The following FCN2 variants were observed in gnomAD, a reference collection of about 807,000 sequenced individuals.
FCN2 encodes the protein ficolin 2.
A neutral mutation model predicts 32.5 loss-of-function variants in FCN2; 31 were observed. That is an observed-to-expected ratio of 0.96 (90% CI 0.72 to 1.29). The LOEUF (loss-of-function observed/expected upper bound fraction) is 1.29. FCN2 is among the 50% of genes most tolerant of loss of function. The probability of loss-of-function intolerance (pLI) is 0.00; values close to 1 mark genes in which losing one functional copy is unlikely to be tolerated. For missense variants in FCN2, 412 were observed against 406.5 expected, an observed-to-expected ratio of 1.01 and a Z score of -0.12; for synonymous variants, 181 against 164.5, an observed-to-expected ratio of 1.10 and a Z score of -0.77.
At chr9:134,880,994 T>A in intron 1 of FCN2, 73 bp downstream of exon 1, 2 of 1,119,180 alleles carry the variant, frequency 1.8e-6, no homozygotes, top group South Asian at 2.6e-5. Flanking sequence ...ATTGGTGGCT[T>A]CCTGGCTTCC....
At chr9:134,872,071 C>T in the FCN2 span, among the ~76,000 whole-genome samples, 1,937 of 152,314 alleles carry the variant, frequency 0.013, 35 homozygotes, top group African/African-American at 0.044. Flanking sequence ...TTCCTCCCCC[C>T]GGCAGACCTA....
chr9:134,883,238 A>G (rs7024491), intron 2 of FCN2, 64 bp from the exon 3 acceptor site: 572,609 of 1,335,638 alleles, frequency 0.43, 123,903 homozygotes, highest in East Asian at 0.55. Flanking sequence ...CGCCAGCTCC[A>G]GGGTGGGCCC....
intron 1 of FCN2, among the ~76,000 whole-genome samples, chr9:134,881,631 T>A (rs1407000415): frequency 6.6e-6 from 1 of 152,128 alleles, no homozygotes; most frequent in East Asian, 1.9e-4. Context: ...CAGAGATTCG[T>A]GTCAGGATTT....
chr9:134,877,220 G>A (rs527641923), upstream of FCN2, among the ~76,000 whole-genome samples: 81 of 152,212 alleles, frequency 5.3e-4, no homozygotes, highest in Non-Finnish European at 8.8e-4. Context: ...TTCTTGAGAC[G>A]GAAGCAGAGG....
chr9:134,869,455 C>T, the FCN2 span, among the ~76,000 whole-genome samples: 1 of 152,200 alleles, frequency 6.6e-6, no homozygotes, highest in African/African-American at 2.4e-5. Flanking sequence ...ACCAGCTGCC[C>T]TGAGCCCAGA....
chr9:134,885,812 C>A lies in FCN2; in HGVS notation c.474C>A (p.Asp158Glu), dbSNP rs141273504. 10 of 1,613,854 alleles carry A rather than the reference C, an allele frequency of 6.2e-6. No homozygotes were observed. The African/African-American group carries it at 1.3e-4, about 22-fold the overall frequency. The change falls in exon 6 of 8, where the codon GAC (aspartate) becomes GAA (glutamate). Residue 158 changes from aspartate to glutamate, a missense_variant. Coordinates refer to ENST00000291744, the MANE Select transcript of FCN2 (RefSeq NM_004108.3). ...RVDGSVDFYR[D>E]WATYKQGFGS... is the part of the protein sequence containing the mutation. ...ATGGCTCTGTGGACTTCTACCGGGACTGGGCCACGTACAAGCAGGGCTTCG... is the reference window on the plus strand; with the variant it reads ...ATGGCTCTGTGGACTTCTACCGGGAATGGGCCACGTACAAGCAGGGCTTCG...
Position 134,882,536 on chromosome 9 carries a change from G to A in FCN2, c.111G>A (p.Met37Ile), listed in dbSNP as rs1290253784. The A allele has an allele frequency of 2.5e-6, 4 of 1,614,136 alleles. No homozygotes were observed. In the African/African-American group the frequency reaches 4.0e-5, roughly 16 times the overall value. ...TGTGTTTTTCTGCAGAGGTGAAGATGGTGGGCCTGGAGGGCTCTGACAAGC... is the reference window on the plus strand; with the variant it reads ...TGTGTTTTTCTGCAGAGGTGAAGATAGTGGGCCTGGAGGGCTCTGACAAGC... Reference protein sequence around the residue: ...QAADTCPEVKMVGLEGSDKLT... With the variant: ...QAADTCPEVKIVGLEGSDKLT... Residue 37 changes from methionine to isoleucine, a missense_variant, in exon 2 of 8, where the codon ATG (methionine) becomes ATA (isoleucine). Physicochemically the swap from Met to Ile is conservative, Grantham distance 10 (BLOSUM62 1). Transcript: ENST00000291744.
At position 134,887,357 on chromosome 9, in the gene FCN2, C is replaced by T. The variant is rs117435384; in HGVS notation, c.884C>T (p.Ser295Leu). 1.5e-4 allele frequency: 247 copies of T among 1,614,080 alleles called. No homozygotes were observed. The highest frequency in any genetic ancestry group is 4.9e-4 in the South Asian group (45 of 91,070). ...GSFANGINWK[S>L]GKGYNYSYKV... ...TTTGCAAATGGCATCAACTGGAAGT[C>T]GGGGAAAGGATACAATTATAGCTAC... The change falls in exon 8 of 8, where the codon TCG becomes TTG. Residue 295 changes from serine (S) to leucine (L), a missense_variant. Physicochemically the swap from Ser to Leu is moderately radical, Grantham distance 145 (BLOSUM62 -2). Transcript: ENST00000291744.
At chr9:134,873,720 G>A in the FCN2 span, among the ~76,000 whole-genome samples, 4 of 152,288 alleles carry the variant, frequency 2.6e-5, no homozygotes, top group South Asian at 8.3e-4. Flanking sequence ...ACATTGATCT[G>A]CAGATGCAAT....
At chr9:134,879,087 C>T (rs1444988958), upstream of FCN2, among the ~76,000 whole-genome samples, 1 of 152,136 alleles carries the variant, frequency 6.6e-6, no homozygotes, top group African/African-American at 2.4e-5. Flanking sequence ...ATATGAACTG[C>T]TAGAAATGTA....
At chr9:134,874,747 G>A in the FCN2 span, among the ~76,000 whole-genome samples, 1 of 152,254 alleles carries the variant, frequency 6.6e-6, no homozygotes, top group East Asian at 1.9e-4. Context: ...TTAAAAAGCT[G>A]CTGGGATTTT....
the FCN2 span, among the ~76,000 whole-genome samples, chr9:134,865,241 G>A: frequency 6.6e-6 from 1 of 152,210 alleles, no homozygotes; most frequent in African/African-American, 2.4e-5. Context: ...GCTTCTGGGG[G>A]CACTCAGGTG....
At chr9:134,870,310 C>G in the FCN2 span, among the ~76,000 whole-genome samples, 1 of 152,198 alleles carries the variant, frequency 6.6e-6, no homozygotes, top group Non-Finnish European at 1.5e-5. This position sits in a 1 kb window ranked among gnomAD's most constrained non-coding sequence, Gnocchi z 4.3. Flanking sequence ...GCCCACCCGG[C>G]CTAGTGTGGG....
chr9:134,869,182 C>T, the FCN2 span, among the ~76,000 whole-genome samples: 1 of 152,208 alleles, frequency 6.6e-6, no homozygotes, highest in African/African-American at 2.4e-5. Flanking sequence ...TCCTAGGGTC[C>T]CTTGGGACTC....
At chr9:134,881,116 G>A (rs145969393) in intron 1 of FCN2, among the ~76,000 whole-genome samples, 195 bp downstream of exon 1, 1 of 152,198 alleles carries the variant, frequency 6.6e-6, no homozygotes, top group Non-Finnish European at 1.5e-5. Context: ...TCTCAGAGAC[G>A]GAGCTTCCTC....
upstream of FCN2, among the ~76,000 whole-genome samples, chr9:134,877,595 G>A (rs187611693): frequency 2.6e-5 from 4 of 152,112 alleles, no homozygotes; most frequent in African/African-American, 7.2e-5. Context: ...TTTACCTTCC[G>A]GCAACATGAA....
the FCN2 span, among the ~76,000 whole-genome samples, chr9:134,871,959 G>A: frequency 1.7e-5 from 2 of 117,086 alleles, no homozygotes; most frequent in African/African-American, 3.3e-5. Flanking sequence ...CCCACTTATC[G>A]TGTCCCCAGG....
At chr9:134,864,626 C>G in the FCN2 span, among the ~76,000 whole-genome samples, 2 of 152,220 alleles carry the variant, frequency 1.3e-5, no homozygotes, top group Non-Finnish European at 2.9e-5. Flanking sequence ...CCCTCTCCTT[C>G]CTGTGGACCA....
chr9:134,884,836 C>T, intron 4 of FCN2, 64 bp downstream of exon 4: 1 of 1,405,590 alleles, frequency 7.1e-7, no homozygotes. Context: ...AGTCCAGGGT[C>T]ATACGACGCC....
Sources: gnomAD v4.1 joint callset for allele counts (sites outside exome capture counted in the v4.1 genomes callset) on GRCh38, gnomAD v4.1.1 for gene constraint, Gnocchi (gnomAD v3.1) non-coding constraint, MANE v1.5 for transcripts, NCBI Gene and HGNC (gene_info 2026-07-23, HGNC 2026-07-21) for gene names.